PRDM4: variants seen among roughly 807,000 people sequenced by gnomAD.
PRDM4 encodes PR domain zinc finger protein 4.
In PRDM4, 38 loss-of-function variants were observed where a neutral mutation model predicts 62.3. That is an observed-to-expected ratio of 0.61 (90% CI 0.47 to 0.80). The LOEUF (loss-of-function observed/expected upper bound fraction) is 0.80. PRDM4 is among the 30% of genes least tolerant of loss of function. The pLI is 0.00. For synonymous variants in PRDM4, 339 were observed against 348.2 expected (o/e 0.97, Z 0.30); for missense variants, 858 against 997.1 (o/e 0.86, Z 1.88).
intron 3 of PRDM4, among the ~76,000 whole-genome samples, chr12:107,755,564 T>C (rs777319507): frequency 3.9e-4 from 60 of 152,236 alleles, no homozygotes; most frequent in Non-Finnish European, 4.9e-4. Context: ...ATTTAACTGC[T>C]GCATTTTATT....
Position 107,746,349 on chromosome 12 carries a change from G to A in PRDM4, c.1202C>T (p.Pro401Leu), listed in dbSNP as rs1890704834. 1 of 1,613,758 alleles carries A rather than the reference G, an allele frequency of 6.2e-7. No homozygotes were observed. Residue 401 changes from proline (P) to leucine (L), a missense_variant, in exon 6 of 12, where the codon CCA (proline) becomes CTA (leucine). Physicochemically the swap from Pro to Leu is moderately conservative, Grantham distance 98 (BLOSUM62 -3). Around this residue, in one of 3 missense-constraint regions of PRDM4, gnomAD observed 499 missense variants for 546.7 expected, o/e 0.91. Transcript: ENST00000228437. ...AGAAAGCCTTGCTCTGCTCTCTATT[G>A]GAGTGTCAGGAACAAAAGTCACTGG... ...HGPVTFVPDT[P>L]IESRARLSLP...
At chr12:107,744,730 T>C (rs1890633031) in intron 6 of PRDM4, 69 bp from the exon 7 acceptor site, 1 of 1,576,588 alleles carries the variant, frequency 6.3e-7, no homozygotes, top group Non-Finnish European at 8.7e-7. Flanking sequence ...AAAGAGGTGC[T>C]TCACCCATGC....
At chr12:107,745,826 GGTAA>G (rs1179903251) in intron 6 of PRDM4, among the ~76,000 whole-genome samples, 17 of 152,192 alleles carry the variant, frequency 1.1e-4, no homozygotes, top group Non-Finnish European at 2.2e-4. Context: ...TTCAAATATG[GGTAA>G]GTAAAGTCTG....
At chr12:107,751,329 T>C in intron 5 of PRDM4, 86 bp downstream of exon 5, 1 of 1,381,094 alleles carries the variant, frequency 7.2e-7, no homozygotes. Context: ...TATACTCCCT[T>C]AATGCCAAAC....
In PRDM4 at chr12:107,741,627, G is replaced by A. The variant is rs559275316; in HGVS notation, c.1610-367C>T. Among the ~76,000 whole-genome samples the A allele has an allele frequency of 3.4e-3, 522 of 152,250 alleles. 1 individual carries two copies. The highest frequency in any genetic ancestry group is 0.012 in the African/African-American group (493 of 41,562). On this transcript the variant is annotated intron_variant, in intron 9 of 11. Transcript: ENST00000228437. ...CTAGCTAATCAGGAGACTGAGGCAGGAAACTGCTTGAGCCCAGGAGTTGAA... is the reference window on the plus strand; with the variant it reads ...CTAGCTAATCAGGAGACTGAGGCAGAAAACTGCTTGAGCCCAGGAGTTGAA...
rs556747290 is a variant in PRDM4, at chr12:107,736,301, T to C, written c.2094-1779A>G. Among the ~76,000 whole-genome samples the C allele has an allele frequency of 2.0e-5, 3 of 152,262 alleles. No homozygotes were observed. In the South Asian group the frequency reaches 6.2e-4, roughly 31 times the overall value. On this transcript the variant is annotated intron_variant, in intron 11 of 11. Coordinates refer to ENST00000228437, the MANE Select transcript of PRDM4 (RefSeq NM_012406.4). ...GACTACGAAAACACACGAAGCCAGG[T>C]AAAAGTGAAGGGGTCCTATTTTAGA...
Position 107,752,117 on chromosome 12 carries a change from T to C in PRDM4, c.424A>G (p.Asn142Asp). 1 of 1,605,744 alleles carries C rather than the reference T, an allele frequency of 6.2e-7. No homozygotes were observed. The highest frequency in any genetic ancestry group is 8.5e-7 in the Non-Finnish European group (1 of 1,172,382). ...VDGNTALSIT[N>D]NPSALDPYQS... is the part of the protein sequence containing the mutation. The stretch of plus-strand genomic sequence containing the variant: ...TAGGGATCTAGTGCTGAAGGGTTAT[T>C]GGTGATAGATAATGCTGTATTACCA... Residue 142 changes from asparagine to aspartate, a missense_variant, in exon 5 of 12, where the codon AAT becomes GAT. Coordinates refer to ENST00000228437, the MANE Select transcript of PRDM4 (RefSeq NM_012406.4).
intron 4 of PRDM4, among the ~76,000 whole-genome samples, chr12:107,753,121 C>T (rs1890949635): frequency 6.6e-6 from 1 of 152,162 alleles, no homozygotes; most frequent in African/African-American, 2.4e-5. Context: ...CCTGTAATCC[C>T]GGCACTTTGG....
intron 11 of PRDM4, 136 bp downstream of exon 11, chr12:107,739,247 C>T: frequency 4.2e-6 from 4 of 950,206 alleles, no homozygotes; most frequent in East Asian, 2.6e-5. Flanking sequence ...ACATGGAACA[C>T]AGAAGGCATC....
Position 107,734,168 on chromosome 12 carries a change from T to C in PRDM4, c.*42A>G. 1 of 1,539,134 alleles carries C rather than the reference T, an allele frequency of 6.5e-7. No individual in the cohort carries two copies. Among genetic ancestry groups the C allele is most frequent in the Non-Finnish European group, 8.7e-7 (1 of 1,142,892 alleles). On this transcript the variant is annotated 3_prime_UTR_variant, in exon 12 of 12. Transcript: ENST00000228437. ...GTAGATAACTGGTTATGTGTATTTT[T>C]CCATTTGCATTTTCATCCAAAATTG...
rs1891077807 is a variant in PRDM4 at position 107,756,766 on chromosome 12, A to G, written c.145+66T>C. 4 of 1,581,376 alleles carry G rather than the reference A, an allele frequency of 2.5e-6. No individual in the cohort carries two copies. The East Asian group carries it at 6.7e-5, about 27-fold the overall frequency. ...CCTTAAAGGGGCTCTGATCTCTTCT[A>G]GACTCCATTTAGAATTGATAACAGA... is the stretch of plus-strand genomic sequence containing the variant. On this transcript the variant is annotated intron_variant, in intron 3 of 11. Coordinates refer to ENST00000228437, the MANE Select transcript of PRDM4 (RefSeq NM_012406.4).
intron 11 of PRDM4, among the ~76,000 whole-genome samples, chr12:107,737,249 A>G (rs1890363584): frequency 6.6e-6 from 1 of 152,044 alleles, no homozygotes; most frequent in Non-Finnish European, 1.5e-5. Flanking sequence ...TTAAGTAGAT[A>G]AATAAAAAGA....
rs988018497 is a variant in PRDM4 at position 107,751,598 on chromosome 12, C to G, written c.943G>C (p.Val315Leu). Reference sequence around the variant, plus strand: ...CTGAGGCCAACTTCATGGAGGGAAACAGATTCTAGGGAGGCAAGGTTGTGT... The same window carrying G: ...CTGAGGCCAACTTCATGGAGGGAAAGAGATTCTAGGGAGGCAAGGTTGTGT... The part of the protein sequence containing the change: ...TSHNLASLES[V>L]SLHEVGLSLE... The change falls in exon 5 of 12, where the codon GTT becomes CTT. Residue 315 changes from valine (V) to leucine (L), a missense_variant. This residue lies in a region of PRDM4 where 499 missense variants were observed against 546.7 expected (regional missense o/e 0.91). Transcript: ENST00000228437. The G allele has an allele frequency of 1.2e-6, 2 of 1,613,694 alleles. No homozygotes were observed. The highest frequency in any genetic ancestry group is 1.3e-5 in the African/African-American group (1 of 74,898).
intron 2 of PRDM4, among the ~76,000 whole-genome samples, chr12:107,759,584 A>T (rs1171995188): frequency 6.6e-6 from 1 of 152,220 alleles, no homozygotes; most frequent in African/African-American, 2.4e-5. Flanking sequence ...CCAGAGTTTA[A>T]TGCGAGAGGC....
At chr12:107,755,479 C>A (rs1468368868) in intron 3 of PRDM4, among the ~76,000 whole-genome samples, 1 of 152,166 alleles carries the variant, frequency 6.6e-6, no homozygotes, top group Non-Finnish European at 1.5e-5. Context: ...AGTGGGTTAA[C>A]CACTAATAAT....
intron 3 of PRDM4, among the ~76,000 whole-genome samples, 194 bp downstream of exon 3, chr12:107,756,638 T>C (rs1429824663): frequency 2.0e-5 from 3 of 152,224 alleles, no homozygotes; most frequent in Non-Finnish European, 2.9e-5. Flanking sequence ...TACTATCCAC[T>C]AGAATTCTAA....
intron 3 of PRDM4, among the ~76,000 whole-genome samples, chr12:107,756,392 C>G (rs1188077771): frequency 6.6e-6 from 1 of 152,214 alleles, no homozygotes; most frequent in Admixed American, 6.5e-5. Context: ...AGACCTGGTA[C>G]ACTTGCAGTT....
At chr12:107,738,584 T>A (rs1890409306) in intron 11 of PRDM4, 1 of 152,178 alleles carries the variant, frequency 6.6e-6, no homozygotes, top group African/African-American at 2.4e-5. Context: ...AAAATCCATC[T>A]CTTCTTTCTA....
At chr12:107,740,396 A>G (rs1195632634) in intron 10 of PRDM4, among the ~76,000 whole-genome samples, 1 of 152,104 alleles carries the variant, frequency 6.6e-6, no homozygotes, top group East Asian at 1.9e-4. Context: ...CTGAGGTGGG[A>G]GGATCACCTG....
Sources: allele counts gnomAD v4.1 joint callset (sites outside exome capture counted in the v4.1 genomes callset), GRCh38; gene constraint gnomAD v4.1.1; regional missense constraint gnomAD v4.1.1; transcripts MANE v1.5; gene names NCBI Gene and HGNC (gene_info 2026-07-23, HGNC 2026-07-21).